IL17F: variants seen among roughly 807,000 people sequenced by gnomAD.
The protein encoded by IL17F is interleukin 17F, also known as interleukin-17F.
A neutral mutation model predicts 8.3 loss-of-function variants in IL17F; 6 were observed. The observed-to-expected ratio is 0.73, with a 90% CI of 0.40 to 1.43. The LOEUF (loss-of-function observed/expected upper bound fraction) is 1.43. Ranked by LOEUF, IL17F falls within the 40% of genes most tolerant of loss-of-function variation. The pLI, the probability that IL17F is intolerant of heterozygous loss-of-function variation, is 0.02. For synonymous variants in IL17F, 98 were observed against 81.6 expected (o/e 1.20, Z -1.08); for missense variants, 204 against 209.6 (o/e 0.97, Z 0.17).
At chr6:52,239,305 A>C (rs1764027327) in intron 1 of IL17F, 1 of 294,720 alleles carries the variant, frequency 3.4e-6, no homozygotes, top group Non-Finnish European at 6.5e-6. Context: ...TCACTTTATG[A>C]GACTACTAAT....
intron 1 of IL17F, among the ~76,000 whole-genome samples, chr6:52,239,992 G>C (rs1254002601): frequency 6.6e-6 from 1 of 152,170 alleles, no homozygotes; most frequent in African/African-American, 2.4e-5. Flanking sequence ...AATGCGCAAA[G>C]AATGAAAGTG....
At chr6:52,244,583 G>A, upstream of IL17F, 1 of 740,988 alleles carries the variant, frequency 1.3e-6, no homozygotes. Context: ...AGTTGTGGTT[G>A]ACCCGGAGTT....
At chr6:52,237,674 G>C (rs1468292481) in intron 2 of IL17F, among the ~76,000 whole-genome samples, 1 of 151,924 alleles carries the variant, frequency 6.6e-6, no homozygotes, top group Non-Finnish European at 1.5e-5. Flanking sequence ...CCTCTGCCTG[G>C]AGGCATAAAG....
At chr6:52,237,359 T>G (rs1014596718) in intron 2 of IL17F, among the ~76,000 whole-genome samples, 191 bp from the exon 3 acceptor site, 1 of 152,212 alleles carries the variant, frequency 6.6e-6, no homozygotes, top group African/African-American at 2.4e-5. Context: ...AGCCTCAGTT[T>G]CCTCAACTAT....
chr6:52,244,373 A>G, intron 1 of IL17F, 24 bp downstream of exon 1: 4 of 1,611,866 alleles, frequency 2.5e-6, no homozygotes, highest in Non-Finnish European at 3.4e-6. Flanking sequence ...CAGTCCTTAA[A>G]CCAGAATGAT....
intron 1 of IL17F, among the ~76,000 whole-genome samples, chr6:52,239,731 ATGAATGAG>A (rs902946974): frequency 2.0e-5 from 3 of 152,342 alleles, no homozygotes; most frequent in Non-Finnish European, 2.9e-5. Context: ...CACTTTTGGA[ATGAATGAG>A]TGAATGAGTG....
upstream of IL17F, among the ~76,000 whole-genome samples, chr6:52,245,161 T>G (rs879527950): frequency 6.6e-6 from 1 of 152,226 alleles, no homozygotes; most frequent in Non-Finnish European, 1.5e-5. Flanking sequence ...TCCATGACCA[T>G]GTATGTGGGC....
chr6:52,239,016 T>C (rs1764021454), intron 1 of IL17F, 66 bp from the exon 2 acceptor site: 1 of 1,399,272 alleles, frequency 7.1e-7, no homozygotes, highest in South Asian at 1.2e-5. Context: ...AGATGCATGG[T>C]CTGGCGGAAC....
intron 1 of IL17F, 98 bp from the exon 2 acceptor site, chr6:52,239,048 G>T: frequency 9.4e-7 from 1 of 1,066,260 alleles, no homozygotes; most frequent in Non-Finnish European, 1.4e-6. Flanking sequence ...GTCCTTTTAT[G>T]GGATCAGGGC....
intron 2 of IL17F, among the ~76,000 whole-genome samples, 174 bp downstream of exon 2, chr6:52,238,556 G>A (rs945835035): frequency 9.2e-5 from 14 of 152,200 alleles, no homozygotes; most frequent in African/African-American, 3.4e-4. Flanking sequence ...AACCACAAAG[G>A]TGAACCTAGT....
chr6:52,238,589 T>C lies in IL17F; in HGVS notation c.254+141A>G. 2.5e-6 allele frequency: 2 copies of C among 785,268 alleles called. 1 individual carries two copies. The highest frequency in any genetic ancestry group is 4.1e-6 in the Non-Finnish European group (2 of 482,354). The allele number at this position is 785,268 out of a possible 1,614,324, so 48.6% of individuals were successfully genotyped here. ...AGTCCAAAACAAGAAAGATATGAGC[T>C]CCCAGGTAAAGTGAAATTTTCATTG... is the stretch of plus-strand genomic sequence containing the variant. On this transcript the variant is annotated intron_variant, in intron 2 of 2. Coordinates refer to ENST00000336123, the MANE Select transcript of IL17F (RefSeq NM_052872.4).
At chr6:52,243,864 G>T (rs1371220825) in intron 1 of IL17F, among the ~76,000 whole-genome samples, 1 of 152,158 alleles carries the variant, frequency 6.6e-6, no homozygotes, top group African/African-American at 2.4e-5. Flanking sequence ...CCAGGTTCAA[G>T]CCATTCTCCT....
intron 2 of IL17F, among the ~76,000 whole-genome samples, chr6:52,237,933 C>T (rs575955875): frequency 2.0e-5 from 3 of 152,244 alleles, no homozygotes; most frequent in Admixed American, 1.3e-4. Flanking sequence ...CCAGAAAATT[C>T]GCTTAAGAGC....
chr6:52,240,974 C>T (rs538103470), intron 1 of IL17F, among the ~76,000 whole-genome samples: 11 of 152,162 alleles, frequency 7.2e-5, no homozygotes, highest in African/African-American at 2.2e-4. Flanking sequence ...CCAATACTGG[C>T]GACTCTTGCT....
chr6:52,238,700 A>T, intron 2 of IL17F, 30 bp downstream of exon 2: 1 of 1,541,782 alleles, frequency 6.5e-7, no homozygotes, highest in Non-Finnish European at 9.0e-7. Context: ...TTTTCCAAAG[A>T]ATGTGAAAAT....
upstream of IL17F, chr6:52,244,560 C>A: frequency 1.2e-6 from 1 of 867,470 alleles, no homozygotes; most frequent in Non-Finnish European, 1.9e-6. Context: ...GATTGACCTG[C>A]TTACTGTCTT....
chr6:52,236,897 C>A lies in IL17F; in HGVS notation c.*34G>T. On this transcript the variant is annotated 3_prime_UTR_variant, in exon 3 of 3. Coordinates refer to ENST00000336123, the MANE Select transcript of IL17F (RefSeq NM_052872.4). ...GAGCACTGGGTAAGGAGTGGCATTT[C>A]TACAGCTTCTTCAGCTGAGTGGATA... 1.3e-6 allele frequency: 2 copies of A among 1,559,330 alleles called. No homozygotes were observed. Among genetic ancestry groups the A allele is most frequent in the South Asian group, 2.2e-5 (2 of 89,908 alleles).
rs755441459 is a variant in IL17F at position 52,237,130 on chromosome 6, A to G, written c.293T>C (p.Val98Ala). The change falls in exon 3 of 3, where the codon GTA (valine) becomes GCA (alanine). Residue 98 changes from valine (V) to alanine (A), a missense_variant. Coordinates refer to ENST00000336123, the MANE Select transcript of IL17F (RefSeq NM_052872.4). ...WDPNRYPSEV[V>A]QAQCRNLGCI... is the part of the protein sequence containing the mutation. ...GCCCAAGTTCCTACACTGGGCCTGT[A>G]CAACTTCCGAGGGGTACCGGTTGGG... 4 of 1,614,142 alleles carry G rather than the reference A, an allele frequency of 2.5e-6. No homozygotes were observed. Among genetic ancestry groups the G allele is most frequent in the Admixed American group, 1.7e-5 (1 of 60,018 alleles).
In IL17F at chr6:52,236,832, T is replaced by C. The variant is rs1288480527; in HGVS notation, c.*99A>G. 7 of 906,238 alleles carry C rather than the reference T, an allele frequency of 7.7e-6. No homozygotes were observed. Among genetic ancestry groups the C allele is most frequent in the East Asian group, 2.4e-5 (1 of 41,750 alleles). 56.1% of individuals were successfully genotyped at this position (906,238 alleles called of 1,614,324 possible). A position where few individuals can be genotyped will look rare whatever the true frequency, so the allele number is the denominator to read the frequency against. ...CGTGCAGGTCTTATTAAGAGTCCTG[T>C]GAAGTGGAGGGAATTGGGGGTCAGA... On this transcript the variant is annotated 3_prime_UTR_variant, in exon 3 of 3. Coordinates refer to ENST00000336123, the MANE Select transcript of IL17F (RefSeq NM_052872.4).
Sources: gnomAD v4.1 joint callset for allele counts (sites outside exome capture counted in the v4.1 genomes callset) on GRCh38, gnomAD v4.1.1 for gene constraint, MANE v1.5 for transcripts, NCBI Gene and HGNC (gene_info 2026-07-23, HGNC 2026-07-21) for gene names.